LRP8: variants seen among roughly 807,000 people sequenced by gnomAD.
The protein encoded by LRP8 is LDL receptor related protein 8.
Under a neutral mutation model 111.6 loss-of-function variants are expected in LRP8, and 46 were observed. That is an observed-to-expected ratio of 0.41 (90% CI 0.33 to 0.53). LRP8 has a LOEUF of 0.53. Ranked by LOEUF, LRP8 falls within the 20% of genes least tolerant of loss-of-function variation. The pLI is 0.20. For missense variants in LRP8, 959 were observed against 1,297.4 expected, an observed-to-expected ratio of 0.74 and a Z score of 4.01; for synonymous variants, 464 against 511.2, an observed-to-expected ratio of 0.91 and a Z score of 1.24.
Position 53,257,339 on chromosome 1 carries a change from T to C in LRP8, c.2335A>G (p.Ser779Gly), listed in dbSNP as rs1198130161. 6.2e-7 allele frequency: 1 copy of C among 1,614,148 alleles called. No homozygotes were observed. The highest frequency in any genetic ancestry group is 1.7e-5 in the Admixed American group (1 of 60,020). Residue 779 changes from serine (S) to glycine (G), a missense_variant, in exon 15 of 19, where the codon AGC becomes GGC. Physicochemically the swap from Ser to Gly is moderately conservative, Grantham distance 56. This residue lies in a region of LRP8 where 819 missense variants were observed against 1,097.6 expected (regional missense o/e 0.75). Transcript: ENST00000306052. Reference sequence around the variant, plus strand: ...GAGCTTGGGACTGCAGCTGTCAGGCTTGGTGTCTCTGTGCTGTGGTTCTGG... The same window carrying C: ...GAGCTTGGGACTGCAGCTGTCAGGCCTGGTGTCTCTGTGCTGTGGTTCTGG... ...TYQNHSTETPSLTAAVPSSVS... is the reference protein window; with the variant it reads ...TYQNHSTETPGLTAAVPSSVS...
chr1:53,326,779 A>G (rs1655184466), intron 2 of LRP8, 94 bp downstream of exon 2: 2 of 1,497,866 alleles, frequency 1.3e-6, no homozygotes, highest in Middle Eastern at 1.8e-4. Flanking sequence ...CGCAGGTGGC[A>G]GCGCGGCGGC....
At chr1:53,326,464 G>A (rs1288211182) in intron 2 of LRP8, among the ~76,000 whole-genome samples, 4 of 152,256 alleles carry the variant, frequency 2.6e-5, no homozygotes, top group African/African-American at 9.6e-5. Context: ...AGCGCAGTGC[G>A]GCCCGGAGCT....
Position 53,277,032 on chromosome 1 carries a change from G to C in LRP8, c.543C>G (p.Ala181=), listed in dbSNP as rs1205276315. The change falls in exon 5 of 19, where the codon GCC becomes GCG. Residue 181 remains alanine, a synonymous_variant. Transcript: ENST00000306052. ...CGTCGCCGTCGCACACGAACACGGC[G>C]GCCAGGCACGAGCGGTTGCCGCACT... is the stretch of plus-strand genomic sequence containing the variant. ...EFQCGNRSCL[A]AVFVCDGDDD... 3.3e-6 allele frequency: 5 copies of C among 1,522,250 alleles called. No individual in the cohort carries two copies. The highest frequency in any genetic ancestry group is 4.4e-6 in the Non-Finnish European group (5 of 1,139,866). The allele number at this position is 1,522,250 out of a possible 1,614,324, so 94.3% of individuals were successfully genotyped here.
Position 53,262,558 on chromosome 1 carries a change from C to T in LRP8, c.1662G>A (p.Met554Ile), listed in dbSNP as rs1646383143. The change falls in exon 11 of 19, where the codon ATG becomes ATA. Residue 554 changes from methionine (M) to isoleucine (I), a missense_variant. Physicochemically the swap from Met to Ile is conservative, Grantham distance 10. Around this residue, in one of 3 missense-constraint regions of LRP8, gnomAD observed 819 missense variants for 1,097.6 expected, o/e 0.75. Coordinates refer to ENST00000306052, the MANE Select transcript of LRP8 (RefSeq NM_004631.5). The surrounding 1 kb of genome is among the most constrained non-coding windows in gnomAD (Gnocchi z 4.8). Reference protein sequence around the residue: ...AIAVDPLRGFMYWSDWGDQAK... With the variant: ...AIAVDPLRGFIYWSDWGDQAK... ...CCTGGTCCCCCCAGTCAGACCAATA[C>T]ATGAACCTAAAAGACAAAATAACCC... 1.2e-6 allele frequency: 2 copies of T among 1,613,950 alleles called. No individual in the cohort carries two copies. Among genetic ancestry groups the T allele is most frequent in the Non-Finnish European group, 1.7e-6 (2 of 1,179,804 alleles).
intron 2 of LRP8, among the ~76,000 whole-genome samples, chr1:53,309,817 G>C (rs965712884): frequency 1.3e-5 from 2 of 152,112 alleles, no homozygotes; most frequent in African/African-American, 4.8e-5. Flanking sequence ...ACCCAGCCCA[G>C]CCCTGGCACG....
At chr1:53,259,729 G>A (rs1557758753) in intron 13 of LRP8, among the ~76,000 whole-genome samples, 1 of 152,168 alleles carries the variant, frequency 6.6e-6, no homozygotes, top group Non-Finnish European at 1.5e-5. Context: ...ACAGGCATGA[G>A]CCACCATGTC....
intron 6 of LRP8, chr1:53,272,760 C>T (rs898238858): frequency 1.1e-5 from 9 of 821,326 alleles, no homozygotes; most frequent in African/African-American, 1.8e-5. Flanking sequence ...CAGCTCCCAC[C>T]TCTAGGAATC....
Position 53,250,549 on chromosome 1 carries a change from CGGAAGGAAAGGAGGGAG to C in LRP8, c.2676+124_2676+140del. The C allele has an allele frequency of 1.5e-6, 1 of 646,634 alleles. No individual in the cohort carries two copies. Among genetic ancestry groups the C allele is most frequent in the Non-Finnish European group, 2.6e-6 (1 of 391,002 alleles). 40.1% of individuals were successfully genotyped at this position (646,634 alleles called of 1,614,324 possible). ...AAAAAGACAGGGAGGGAGGGAAGGACGGAAGGAAAGGAGGGAGGGAAGGACGGAAGGAAGGAAGGGAG... is the reference window on the plus strand; with the variant it reads ...AAAAAGACAGGGAGGGAGGGAAGGACGGAAGGACGGAAGGAAGGAAGGGAG... On this transcript the variant is annotated intron_variant, in intron 17 of 18. Transcript: ENST00000306052. The surrounding 1 kb of genome is among the most constrained non-coding windows in gnomAD (Gnocchi z 4.6).
chr1:53,276,647 A>C (rs759454785), intron 5 of LRP8, 45 bp downstream of exon 5: 1 of 1,429,308 alleles, frequency 7.0e-7, no homozygotes, highest in South Asian at 1.3e-5. Context: ...CGGATAGCGG[A>C]TCCGCAATCC....
At chr1:53,267,525 G>A (rs958878467) in intron 8 of LRP8, 3 of 152,150 alleles carry the variant, frequency 2.0e-5, no homozygotes, top group Admixed American at 6.6e-5. Context: ...AGCAAGAGAT[G>A]AGCTTCAGAG....
intron 3 of LRP8, chr1:53,289,361 G>A: frequency 1.8e-6 from 1 of 565,294 alleles, no homozygotes; most frequent in South Asian, 3.1e-5. Flanking sequence ...CAGAAACAGG[G>A]TCCAACCTAC....
chr1:53,254,134 A>T (rs1408214651), intron 16 of LRP8, among the ~76,000 whole-genome samples: 1 of 152,116 alleles, frequency 6.6e-6, no homozygotes, highest in Non-Finnish European at 1.5e-5. Context: ...CTCTGAATGG[A>T]CAATCAGAAT....
chr1:53,255,801 G>A (rs986581446), intron 15 of LRP8, among the ~76,000 whole-genome samples: 3 of 152,076 alleles, frequency 2.0e-5, no homozygotes, highest in African/African-American at 7.2e-5. Flanking sequence ...ACAGCACATG[G>A]TATTATACTT....
chr1:53,258,574 G>GC, intron 13 of LRP8, 103 bp from the exon 14 acceptor site: 1 of 1,056,600 alleles, frequency 9.5e-7, no homozygotes, highest in South Asian at 1.7e-5. Context: ...CAAAAAGCTT[G>GC]CCCTATACTT....
chr1:53,267,873 C>T (rs1466788152), intron 8 of LRP8: 1 of 152,344 alleles, frequency 6.6e-6, no homozygotes, highest in South Asian at 2.1e-4. Flanking sequence ...GGGGCTGCTC[C>T]TAGTAACACC....
In LRP8 at chr1:53,277,001, A is replaced by G; in HGVS notation, c.574T>C (p.Cys192Arg). The stretch of plus-strand genomic sequence containing the variant: ...CCGCGCTCATCGCTGCCGTCACCAC[A>G]GTCGTCGTCGCCGTCGCACACGAAC... ...AVFVCDGDDD[C>R]GDGSDERGCA... The change falls in exon 5 of 19, where the codon TGT becomes CGT. Residue 192 changes from cysteine to arginine, a missense_variant. Around this residue, in one of 3 missense-constraint regions of LRP8, gnomAD observed 819 missense variants for 1,097.6 expected, o/e 0.75. Coordinates refer to ENST00000306052, the MANE Select transcript of LRP8 (RefSeq NM_004631.5). 1 of 1,516,596 alleles carries G rather than the reference A, an allele frequency of 6.6e-7. No individual in the cohort carries two copies. The highest frequency in any genetic ancestry group is 8.8e-7 in the Non-Finnish European group (1 of 1,136,122). 93.9% of individuals were successfully genotyped at this position (1,516,596 alleles called of 1,614,324 possible).
intron 3 of LRP8, among the ~76,000 whole-genome samples, chr1:53,289,033 AG>A (rs1295025229): frequency 6.6e-6 from 1 of 152,180 alleles, no homozygotes; most frequent in Non-Finnish European, 1.5e-5. Flanking sequence ...CCCAGGGTAG[AG>A]GAACGGGCCA....
Position 53,327,807 on chromosome 1 carries a change from G to A in LRP8, c.106C>T (p.Pro36Ser). Reference protein sequence around the residue: ...LQHLAAAAADPLLGGQGPAKD... With the variant: ...LQHLAAAAADSLLGGQGPAKD... Reference sequence around the variant, plus strand: ...CACGCACCTTGGCCGCCGAGCAGCGGATCAGCCGCTGCCGCCGCAAGATGC... The same window carrying A: ...CACGCACCTTGGCCGCCGAGCAGCGAATCAGCCGCTGCCGCCGCAAGATGC... Residue 36 changes from proline (P) to serine (S), a missense_variant, in exon 1 of 19, where the codon CCG becomes TCG. Physicochemically the swap from Pro to Ser is moderately conservative, Grantham distance 74. Coordinates refer to ENST00000306052, the MANE Select transcript of LRP8 (RefSeq NM_004631.5). The A allele has an allele frequency of 6.6e-7, 1 of 1,512,496 alleles. No homozygotes were observed. Among genetic ancestry groups the A allele is most frequent in the Non-Finnish European group, 8.8e-7 (1 of 1,136,500 alleles). 93.7% of individuals were successfully genotyped at this position (1,512,496 alleles called of 1,614,324 possible).
In LRP8 at chr1:53,245,781, AG is replaced by A. The variant is rs1645713130; in HGVS notation, c.*1236del. 6.6e-6 allele frequency: 1 copy of A among 152,638 alleles called. No individual in the cohort carries two copies. Among genetic ancestry groups the A allele is most frequent in the Non-Finnish European group, 1.5e-5 (1 of 68,030 alleles). The allele number at this position is 152,638 out of a possible 1,614,324, so 9.5% of individuals were successfully genotyped here. ...CACATAAAGGAAATGGTAGAGAGTA[AG>A]GGGAAAAGAGAAATAAGAGATGTGA... is the stretch of plus-strand genomic sequence containing the variant. On this transcript the variant is annotated 3_prime_UTR_variant, in exon 19 of 19. Transcript: ENST00000306052.
Sources: allele counts gnomAD v4.1 joint callset (sites outside exome capture counted in the v4.1 genomes callset), GRCh38; gene constraint gnomAD v4.1.1; regional missense constraint gnomAD v4.1.1; non-coding constraint Gnocchi (gnomAD v3.1); transcripts MANE v1.5; gene names NCBI Gene and HGNC (gene_info 2026-07-23, HGNC 2026-07-21).